The following NKAIN3 variants were observed in gnomAD, a reference collection of about 807,000 sequenced individuals.
NKAIN3 encodes the protein sodium/potassium transporting ATPase interacting 3.
Under a neutral mutation model 30.2 loss-of-function variants are expected in NKAIN3, and 25 were observed. The observed-to-expected ratio is 0.83, with a 90% confidence interval of 0.60 to 1.16. The LOEUF (loss-of-function observed/expected upper bound fraction) is 1.16. Ranked by LOEUF, NKAIN3 falls within the 50% of genes most tolerant of loss-of-function variation. The pLI is 0.00. For synonymous variants in NKAIN3, 91 were observed against 89.6 expected (o/e 1.02, Z -0.09); for missense variants, 225 against 254.1 (o/e 0.89, Z 0.78).
chr8:62,851,411 A>G (rs1480999141), intron 4 of NKAIN3, among the ~76,000 whole-genome samples: 2 of 152,180 alleles, frequency 1.3e-5, no homozygotes, highest in African/African-American at 4.8e-5. Context: ...AACAGGGACA[A>G]TTTGACTTCC....
At chr8:62,540,527 C>T (rs1446410601) in intron 1 of NKAIN3, among the ~76,000 whole-genome samples, 1 of 152,192 alleles carries the variant, frequency 6.6e-6, no homozygotes, top group Non-Finnish European at 1.5e-5. Context: ...TAACCTCCAA[C>T]TCTACTCCAT....
intron 1 of NKAIN3, among the ~76,000 whole-genome samples, chr8:62,532,352 C>A (rs991186965): frequency 1.6e-4 from 25 of 152,104 alleles, no homozygotes; most frequent in Non-Finnish European, 2.8e-4. Context: ...CCTGCCCAGT[C>A]CCCTAAAGCT....
At chr8:62,642,409 G>C (rs1457395582) in intron 3 of NKAIN3, among the ~76,000 whole-genome samples, 1 of 152,024 alleles carries the variant, frequency 6.6e-6, no homozygotes, top group East Asian at 1.9e-4. Context: ...CACCTATAGA[G>C]TAGTTTGTAT....
Position 62,355,290 on chromosome 8 carries a change from T to C in NKAIN3, c.54+106163T>C, listed in dbSNP as rs376837553. 1.2e-4 allele frequency among the ~76,000 whole-genome samples: 19 copies of C among 152,320 alleles called. No individual in the cohort carries two copies. The South Asian group carries it at 3.5e-3, about 28-fold the overall frequency. ...ATTTTCTGGAAATTTGTTTTTTCCA[T>C]TGGAGAGGCAAACTTTGAAATCTTC... On this transcript the variant is annotated intron_variant, in intron 1 of 6. Transcript: ENST00000623646.
chr8:62,852,894 T>A (rs1819951865), intron 4 of NKAIN3, among the ~76,000 whole-genome samples: 1 of 152,202 alleles, frequency 6.6e-6, no homozygotes, highest in Non-Finnish European at 1.5e-5. Context: ...AGTTTTGGAA[T>A]AAGTGTGGTG....
downstream of NKAIN3, among the ~76,000 whole-genome samples, chr8:62,988,449 GA>G (rs1480133754): frequency 1.8e-4 from 27 of 152,254 alleles, no homozygotes; most frequent in African/African-American, 5.8e-4. Context: ...TACATCCTCT[GA>G]AATCTAGATG....
chr8:62,467,584 C>A (rs988678668), intron 1 of NKAIN3, among the ~76,000 whole-genome samples: 1 of 152,110 alleles, frequency 6.6e-6, no homozygotes. Flanking sequence ...TTAGAATTTA[C>A]AAGGCTTTGG....
chr8:62,705,758 T>C (rs762431015), intron 3 of NKAIN3, among the ~76,000 whole-genome samples: 1 of 152,158 alleles, frequency 6.6e-6, no homozygotes, highest in Non-Finnish European at 1.5e-5. Context: ...GAATATATTT[T>C]GTTGTTGTTT....
chr8:62,810,615 G>C (rs982108413), intron 4 of NKAIN3, among the ~76,000 whole-genome samples: 1 of 144,270 alleles, frequency 6.9e-6, no homozygotes, highest in Non-Finnish European at 1.5e-5. Flanking sequence ...ATGTATGCAT[G>C]ATTGTAAGTA....
chr8:62,789,091 G>C (rs1444548783), intron 4 of NKAIN3, among the ~76,000 whole-genome samples: 2 of 151,968 alleles, frequency 1.3e-5, no homozygotes, highest in Non-Finnish European at 2.9e-5. Context: ...TAGCTTGATG[G>C]GGATGGCATT....
intron 1 of NKAIN3, among the ~76,000 whole-genome samples, chr8:62,322,184 G>A (rs973739334): frequency 2.0e-5 from 3 of 152,206 alleles, no homozygotes; most frequent in Non-Finnish European, 4.4e-5. Context: ...GAAAAGTGCA[G>A]TATTAGGGTG....
chr8:62,588,900 A>T (rs116214400), intron 2 of NKAIN3, among the ~76,000 whole-genome samples: 3,159 of 151,884 alleles, frequency 0.021, 120 homozygotes, highest in African/African-American at 0.073. Flanking sequence ...GGCCTCCATT[A>T]GTTTGTCTGC....
At chr8:62,390,614 C>T (rs990669867) in intron 1 of NKAIN3, among the ~76,000 whole-genome samples, 10 of 152,190 alleles carry the variant, frequency 6.6e-5, no homozygotes, top group African/African-American at 2.4e-4. Flanking sequence ...TTTGAGGCAT[C>T]ACTACACTGT....
At chr8:62,928,061 C>T (rs988841649) in intron 5 of NKAIN3, among the ~76,000 whole-genome samples, 2 of 151,798 alleles carry the variant, frequency 1.3e-5, no homozygotes, top group Non-Finnish European at 2.9e-5. Flanking sequence ...ATGTACTTTA[C>T]TAAGAAAAAA....
At chr8:62,999,574 A>T (rs770418497) in exon 6 of NKAIN3, 1 of 152,182 alleles carries the variant, frequency 6.6e-6, no homozygotes, top group African/African-American at 2.4e-5. Flanking sequence ...ATTTTCTTCC[A>T]TCCTTGAGTT....
At chr8:62,637,396 G>A (rs186162120) in intron 3 of NKAIN3, among the ~76,000 whole-genome samples, 4 of 152,112 alleles carry the variant, frequency 2.6e-5, no homozygotes, top group South Asian at 2.1e-4. Context: ...TTCTGGCCCC[G>A]CAAGTAAACT....
chr8:62,576,224 G>A (rs1810104689), intron 1 of NKAIN3, among the ~76,000 whole-genome samples: 1 of 151,970 alleles, frequency 6.6e-6, no homozygotes, highest in Non-Finnish European at 1.5e-5. Flanking sequence ...ATCTGACAAA[G>A]GGTTAATAAA....
intron 3 of NKAIN3, among the ~76,000 whole-genome samples, chr8:62,617,217 A>T (rs552441097): frequency 2.0e-5 from 3 of 152,278 alleles, no homozygotes; most frequent in African/African-American, 7.2e-5. Context: ...CCAGTCTCAG[A>T]TATTTCTTTA....
At chr8:62,479,589 C>G (rs751556023) in intron 1 of NKAIN3, among the ~76,000 whole-genome samples, 1 of 152,118 alleles carries the variant, frequency 6.6e-6, no homozygotes, top group Non-Finnish European at 1.5e-5. Flanking sequence ...AATAAAAGAT[C>G]AGTTTTGGTT....
Sources: allele counts gnomAD v4.1 joint callset (sites outside exome capture counted in the v4.1 genomes callset), GRCh38; gene constraint gnomAD v4.1.1; transcripts MANE v1.5; gene names NCBI Gene and HGNC (gene_info 2026-07-23, HGNC 2026-07-21).